Variants in SMAGP observed in about 807,000 individuals in gnomAD.
SMAGP encodes small cell transmembrane and glycosylated protein.
Under a neutral mutation model 10.1 loss-of-function variants are expected in SMAGP, and 7 were observed. That is an observed-to-expected ratio of 0.70 (90% CI 0.40 to 1.31). SMAGP has a LOEUF of 1.31. SMAGP is among the 50% of genes most tolerant of loss of function. The pLI is 0.01. For missense variants in SMAGP, 113 were observed against 116.5 expected (o/e 0.97, Z 0.14); for synonymous variants, 49 against 47.2 (o/e 1.04, Z -0.16).
At chr12:51,261,269 G>T (rs1358640787) in intron 2 of SMAGP, among the ~76,000 whole-genome samples, 2 of 151,026 alleles carry the variant, frequency 1.3e-5, no homozygotes, top group African/African-American at 4.9e-5. Context: ...CTAATTTTTT[G>T]TATTTTTAGT....
intron 2 of SMAGP, among the ~76,000 whole-genome samples, chr12:51,258,984 C>CAAA (rs35000436): frequency 1.2e-4 from 6 of 50,968 alleles, no homozygotes; most frequent in African/African-American, 3.0e-4. Flanking sequence ...CTGTCTCTAC[C>CAAA]AAAAAAAAAA....
chr12:51,248,527 T>C (rs549484680), intron 2 of SMAGP, among the ~76,000 whole-genome samples: 1 of 152,036 alleles, frequency 6.6e-6, no homozygotes, highest in East Asian at 1.9e-4. Flanking sequence ...GTTAGCCTTG[T>C]GTTATGATGT....
At chr12:51,250,266 C>G (rs1281785619) in intron 2 of SMAGP, among the ~76,000 whole-genome samples, 2 of 151,350 alleles carry the variant, frequency 1.3e-5, no homozygotes, top group African/African-American at 4.9e-5. Context: ...CCTGTAGTCC[C>G]AGATACTCAT....
Position 51,245,303 on chromosome 12 carries a change from A to G in SMAGP, c.*638T>C, listed in dbSNP as rs1431786484. The G allele has an allele frequency of 6.6e-6, 1 of 152,626 alleles. No homozygotes were observed. Among genetic ancestry groups the G allele is most frequent in the African/African-American group, 2.4e-5 (1 of 41,464 alleles). The allele number at this position is 152,626 out of a possible 1,614,324, so 9.5% of individuals were successfully genotyped here. On this transcript the variant is annotated 3_prime_UTR_variant, in exon 4 of 4. Transcript: ENST00000603798. ...GAAAAGAAAATGTCAAAAATGTTTA[A>G]GCAAAAATAAGTCAAAATGTAGTTA...
chr12:51,266,092 A>T (rs1280876128), intron 2 of SMAGP, among the ~76,000 whole-genome samples: 1 of 152,074 alleles, frequency 6.6e-6, no homozygotes, highest in Non-Finnish European at 1.5e-5. Flanking sequence ...AAAAAAAAAA[A>T]ACAACAGTAG....
At chr12:51,246,604 C>CTCTGTG (rs148976171) in intron 3 of SMAGP, 147 bp downstream of exon 3, 182 of 338,212 alleles carry the variant, frequency 5.4e-4, no homozygotes, top group African/African-American at 3.9e-3. Flanking sequence ...TCTTTTATGG[C>CTCTGTG]TGTGTGTGTG....
chr12:51,244,562 G>T lies in SMAGP; in HGVS notation c.*1379C>A, dbSNP rs1366023119. The T allele has an allele frequency of 1.3e-5, 2 of 152,194 alleles. No individual in the cohort carries two copies. Among genetic ancestry groups the T allele is most frequent in the Non-Finnish European group, 2.9e-5 (2 of 68,032 alleles). The allele number at this position is 152,194 out of a possible 1,614,324, so 9.4% of individuals were successfully genotyped here. A position where few individuals can be genotyped will look rare whatever the true frequency, so the allele number is the denominator to read the frequency against. ...TTGGACAACAGAGGCAATACATTAA[G>T]ACTTCAAAGGAGATCTAGCTTTAAT... On this transcript the variant is annotated 3_prime_UTR_variant, in exon 4 of 4. Transcript: ENST00000603798.
chr12:51,261,092 A>ATTTT lies in SMAGP; in HGVS notation c.34+8149_34+8152dup, dbSNP rs34540958. Among the ~76,000 whole-genome samples the ATTTT allele has an allele frequency of 1.4e-4, 16 of 110,760 alleles. 1 individual carries two copies. Among genetic ancestry groups the ATTTT allele is most frequent in the Non-Finnish European group, 2.2e-4 (13 of 58,282 alleles). 72.7% of individuals were successfully genotyped at this position (110,760 alleles called of 152,430 possible). On this transcript the variant is annotated intron_variant, in intron 2 of 3. Coordinates refer to ENST00000603798, the MANE Select transcript of SMAGP (RefSeq NM_001031628.2). ...GTGTGAGCCACCGTGCCCAGCCTTA[A>ATTTT]TTTTTTTTTTTTTTTTTTTCTGAGA...
At chr12:51,269,123 G>C (rs993984530) in intron 2 of SMAGP, 122 bp downstream of exon 2, 1 of 1,062,246 alleles carries the variant, frequency 9.4e-7, no homozygotes, top group Non-Finnish European at 1.4e-6. Flanking sequence ...GGCCCTTCCT[G>C]TGTGAGGCAG....
At chr12:51,254,401 G>T (rs746787845) in intron 2 of SMAGP, among the ~76,000 whole-genome samples, 5 of 152,094 alleles carry the variant, frequency 3.3e-5, no homozygotes, top group African/African-American at 4.8e-5. Context: ...ACAAAAATTA[G>T]CTGGGTGTGG....
intron 2 of SMAGP, among the ~76,000 whole-genome samples, chr12:51,257,063 TAA>T (rs1040078192): frequency 5.3e-5 from 8 of 152,112 alleles, no homozygotes; most frequent in Admixed American, 5.2e-4. Context: ...AGGCAGAATA[TAA>T]ATAAATGCTT....
chr12:51,261,049 A>G (rs1404418330), intron 2 of SMAGP, among the ~76,000 whole-genome samples: 2 of 150,210 alleles, frequency 1.3e-5, no homozygotes, highest in Non-Finnish European at 3.0e-5. Context: ...TTGGCCTCCC[A>G]AAGTGCTAGA....
At chr12:51,266,360 CCTTATTTT>C (rs1428666397) in intron 2 of SMAGP, among the ~76,000 whole-genome samples, 4 of 151,600 alleles carry the variant, frequency 2.6e-5, no homozygotes, top group African/African-American at 9.7e-5. Flanking sequence ...TTCAAGTAAC[CCTTATTTT>C]ACATGACAGT....
chr12:51,265,091 T>C (rs556913554), intron 2 of SMAGP, among the ~76,000 whole-genome samples: 4 of 152,108 alleles, frequency 2.6e-5, no homozygotes, highest in Admixed American at 6.6e-5. Context: ...TCCAAAGATA[T>C]ACAAATGGTC....
intron 2 of SMAGP, among the ~76,000 whole-genome samples, chr12:51,255,502 A>C (rs1263807919): frequency 6.6e-6 from 1 of 152,166 alleles, no homozygotes; most frequent in Middle Eastern, 3.2e-3. Context: ...AGGAACCCCA[A>C]TCCTGCCTGC....
chr12:51,265,269 A>G (rs1214144754), intron 2 of SMAGP, among the ~76,000 whole-genome samples: 2 of 152,198 alleles, frequency 1.3e-5, no homozygotes, highest in African/African-American at 4.8e-5. Context: ...TGCTGGTAGG[A>G]ATATAAAATG....
At chr12:51,246,719 A>C (rs750996847) in intron 3 of SMAGP, 32 bp downstream of exon 3, 15 of 1,501,846 alleles carry the variant, frequency 1.0e-5, no homozygotes, top group Non-Finnish European at 1.2e-5. Flanking sequence ...TTGATCCAGA[A>C]GGTCCCTTGG....
chr12:51,258,547 G>A (rs1592235337), intron 2 of SMAGP, among the ~76,000 whole-genome samples: 2 of 151,696 alleles, frequency 1.3e-5, no homozygotes, highest in Non-Finnish European at 2.9e-5. Context: ...ATCTGAGATC[G>A]TGCCATTGCA....
At chr12:51,261,768 A>ATT (rs1944934256) in intron 2 of SMAGP, among the ~76,000 whole-genome samples, 1 of 152,150 alleles carries the variant, frequency 6.6e-6, no homozygotes, top group African/African-American at 2.4e-5. Context: ...ACATACTTAG[A>ATT]ATGTCTATCT....
Sources: allele counts gnomAD v4.1 joint callset (sites outside exome capture counted in the v4.1 genomes callset), GRCh38; gene constraint gnomAD v4.1.1; transcripts MANE v1.5; gene names NCBI Gene and HGNC (gene_info 2026-07-23, HGNC 2026-07-21).